The following FHIT variants were observed in gnomAD, a reference collection of about 807,000 sequenced individuals.
The protein encoded by FHIT is bis(5'-adenosyl)-triphosphatase.
In FHIT, 19 loss-of-function variants were observed where a neutral mutation model predicts 17.9. That is an observed-to-expected ratio of 1.06 (90% CI 0.74 to 1.56). The LOEUF (loss-of-function observed/expected upper bound fraction) is 1.56. FHIT is among the 40% of genes most tolerant of loss of function. The pLI is 0.00. For synonymous variants in FHIT, 81 were observed against 69.7 expected (o/e 1.16, Z -0.81); for missense variants, 248 against 189.2 (o/e 1.31, Z -1.82).
chr3:59,800,770 T>C (rs1368331099), intron 8 of FHIT, among the ~76,000 whole-genome samples: 2 of 152,104 alleles, frequency 1.3e-5, no homozygotes, highest in Non-Finnish European at 2.9e-5. Context: ...AGGAGGACTT[T>C]GTAAGCATTT....
chr3:60,998,607 A>C (rs1575816593), intron 3 of FHIT, among the ~76,000 whole-genome samples: 2 of 152,264 alleles, frequency 1.3e-5, no homozygotes, highest in East Asian at 3.9e-4. Context: ...TCATTGTCAC[A>C]TACATTTTTT....
chr3:61,082,026 T>C (rs1383405628), intron 2 of FHIT, among the ~76,000 whole-genome samples: 1 of 152,026 alleles, frequency 6.6e-6, no homozygotes, highest in African/African-American at 2.4e-5. Flanking sequence ...CCTGGGTAAT[T>C]GTAACAGCTT....
At chr3:59,952,681 T>G (rs919607275) in intron 7 of FHIT, among the ~76,000 whole-genome samples, 1 of 152,216 alleles carries the variant, frequency 6.6e-6, no homozygotes, top group Non-Finnish European at 1.5e-5. Flanking sequence ...TCTGGAAAGA[T>G]CCCTTAAACT....
intron 5 of FHIT, among the ~76,000 whole-genome samples, chr3:60,388,463 C>T (rs1397612030): frequency 6.6e-6 from 1 of 151,960 alleles, no homozygotes; most frequent in East Asian, 1.9e-4. Context: ...TTAGCAGGGC[C>T]TGGTGGTCAC....
chr3:61,205,146 T>A (rs2039178267), intron 1 of FHIT, among the ~76,000 whole-genome samples: 1 of 152,092 alleles, frequency 6.6e-6, no homozygotes, highest in Admixed American at 6.5e-5. Context: ...ACAAAGGACA[T>A]GAACTCATCA....
At chr3:60,864,590 C>T (rs1297721374) in intron 3 of FHIT, among the ~76,000 whole-genome samples, 1 of 152,056 alleles carries the variant, frequency 6.6e-6, no homozygotes, top group Non-Finnish European at 1.5e-5. Context: ...GAACAGGGCT[C>T]TGTATTGGCA....
intron 5 of FHIT, among the ~76,000 whole-genome samples, chr3:60,374,582 A>C (rs1031695647): frequency 1.3e-5 from 2 of 150,196 alleles, no homozygotes; most frequent in Admixed American, 6.7e-5. Context: ...ATGAAGAAAG[A>C]AGCACACACA....
At chr3:60,525,057 G>A (rs538424885) in intron 5 of FHIT, among the ~76,000 whole-genome samples, 2 of 152,290 alleles carry the variant, frequency 1.3e-5, no homozygotes, top group East Asian at 3.9e-4. Context: ...CAATCACTGT[G>A]ATAACTTTGG....
At chr3:60,327,674 C>A (rs999580621) in intron 5 of FHIT, among the ~76,000 whole-genome samples, 1 of 152,144 alleles carries the variant, frequency 6.6e-6, no homozygotes, top group Non-Finnish European at 1.5e-5. Flanking sequence ...AAAAGACAAC[C>A]ACTACCAGAT....
chr3:60,175,312 C>A (rs1701619001), intron 5 of FHIT, among the ~76,000 whole-genome samples: 1 of 152,076 alleles, frequency 6.6e-6, no homozygotes. Context: ...AATGTGAGTG[C>A]CTACAGAGGA....
At chr3:60,249,387 T>C (rs76931973) in intron 5 of FHIT, among the ~76,000 whole-genome samples, 3,492 of 152,198 alleles carry the variant, frequency 0.023, 57 homozygotes, top group Non-Finnish European at 0.035. Context: ...ACAAAACCCA[T>C]GTGCTCTGAG....
intron 8 of FHIT, among the ~76,000 whole-genome samples, chr3:59,919,250 T>C (rs1407876942): frequency 3.3e-5 from 5 of 152,194 alleles, no homozygotes; most frequent in African/African-American, 7.2e-5. Flanking sequence ...TGCTCTGTGC[T>C]TGAGTGAATC....
At chr3:60,150,638 C>T (rs1015526371) in intron 5 of FHIT, among the ~76,000 whole-genome samples, 1 of 152,186 alleles carries the variant, frequency 6.6e-6, no homozygotes, top group African/African-American at 2.4e-5. Context: ...AATGTAATGG[C>T]TGGGTGCAGT....
At chr3:61,179,807 A>G (rs1237108251) in intron 2 of FHIT, among the ~76,000 whole-genome samples, 1 of 151,644 alleles carries the variant, frequency 6.6e-6, no homozygotes, top group East Asian at 1.9e-4. Flanking sequence ...TGACAGCCTC[A>G]GTGGAAGCAA....
intron 5 of FHIT, among the ~76,000 whole-genome samples, chr3:60,070,771 G>A (rs1253208061): frequency 2.0e-5 from 3 of 152,106 alleles, no homozygotes; most frequent in Admixed American, 6.5e-5. Flanking sequence ...AGGTTGCCTG[G>A]GTTTTCCTCC....
At chr3:59,929,884 T>A (rs1416523070) in intron 7 of FHIT, among the ~76,000 whole-genome samples, 2 of 151,018 alleles carry the variant, frequency 1.3e-5, no homozygotes, top group African/African-American at 4.9e-5. Flanking sequence ...TTAGTCTCAA[T>A]TGCCCCAGAC....
intron 8 of FHIT, among the ~76,000 whole-genome samples, chr3:59,812,058 A>T (rs1700426110): frequency 6.6e-6 from 1 of 152,066 alleles, no homozygotes; most frequent in African/African-American, 2.4e-5. Flanking sequence ...CCCCCAGGGG[A>T]TACTTGGCAA....
At position 60,842,139 on chromosome 3, in the gene FHIT, G is replaced by C. The variant is rs1702742152; in HGVS notation, c.-110-20128C>G. On this transcript the variant is annotated intron_variant, in intron 3 of 9. Transcript: ENST00000492590. Reference sequence around the variant, plus strand: ...GCTTCAGAATCTTGACAAAGTCATGGGTGGGCATATCCTGCCCTCACGGAT... The same window carrying C: ...GCTTCAGAATCTTGACAAAGTCATGCGTGGGCATATCCTGCCCTCACGGAT... Among the ~76,000 whole-genome samples the C allele has an allele frequency of 2.0e-5, 3 of 152,184 alleles. No individual in the cohort carries two copies. The South Asian group carries it at 6.2e-4, about 32-fold the overall frequency.
chr3:60,922,379 G>C (rs539126026), intron 3 of FHIT, among the ~76,000 whole-genome samples: 7 of 152,208 alleles, frequency 4.6e-5, no homozygotes, highest in African/African-American at 1.7e-4. Flanking sequence ...TGCATCCTGG[G>C]TGCTTGGCAA....
Sources: gnomAD v4.1 joint callset for allele counts (sites outside exome capture counted in the v4.1 genomes callset) on GRCh38, gnomAD v4.1.1 for gene constraint, MANE v1.5 for transcripts, NCBI Gene and HGNC (gene_info 2026-07-23, HGNC 2026-07-21) for gene names.